Variants in PPP1R9A observed in about 807,000 individuals in gnomAD.
The protein encoded by PPP1R9A is protein phosphatase 1 regulatory subunit 9A, also known as neurabin-1.
Under a neutral mutation model 141.9 loss-of-function variants are expected in PPP1R9A, and 59 were observed. The observed-to-expected ratio is 0.42, with a 90% CI of 0.34 to 0.52. The LOEUF is 0.52. Among genes scored for constraint, PPP1R9A ranks in the 20% least tolerant of loss-of-function variants. PPP1R9A has a pLI of 0.10. For missense variants in PPP1R9A, 1,444 were observed against 1,611.9 expected (o/e 0.90, Z 1.78); for synonymous variants, 500 against 569.7 (o/e 0.88, Z 1.74).
chr7:95,187,569 CTCTAGTTCCT>C (rs1834832874), intron 5 of PPP1R9A, among the ~76,000 whole-genome samples: 1 of 151,940 alleles, frequency 6.6e-6, no homozygotes, highest in South Asian at 2.1e-4. Flanking sequence ...TTTGTTCTTT[CTCTAGTTCCT>C]TGAGTTGTGT....
intron 2 of PPP1R9A, among the ~76,000 whole-genome samples, chr7:94,975,098 G>A (rs1374063760): frequency 6.6e-6 from 1 of 151,542 alleles, no homozygotes; most frequent in African/African-American, 2.4e-5. Context: ...TCTTAATTTG[G>A]AAAAAAAATA....
intron 2 of PPP1R9A, among the ~76,000 whole-genome samples, chr7:94,924,685 T>C (rs1793247636): frequency 6.6e-6 from 1 of 152,092 alleles, no homozygotes; most frequent in Non-Finnish European, 1.5e-5. Context: ...CGCACCACCA[T>C]GCCTGGCTTA....
intron 8 of PPP1R9A, among the ~76,000 whole-genome samples, chr7:95,233,740 G>C (rs1464794136): frequency 1.3e-5 from 2 of 152,000 alleles, no homozygotes; most frequent in East Asian, 3.9e-4. Flanking sequence ...GAAAACTACA[G>C]ACCAACATCC....
chr7:95,076,014 C>T (rs1814797111), intron 2 of PPP1R9A, among the ~76,000 whole-genome samples: 1 of 152,102 alleles, frequency 6.6e-6, no homozygotes, highest in Admixed American at 6.6e-5. Context: ...GAGGAGAACA[C>T]CTTCACAAAT....
At chr7:95,137,474 G>A (rs1352162571) in intron 4 of PPP1R9A, among the ~76,000 whole-genome samples, 2 of 147,856 alleles carry the variant, frequency 1.4e-5, no homozygotes, top group African/African-American at 5.0e-5. Flanking sequence ...TTGCCTTAAA[G>A]CTTTTAGTTA....
chr7:95,246,828 C>T (rs1798183842), intron 8 of PPP1R9A, among the ~76,000 whole-genome samples: 1 of 152,130 alleles, frequency 6.6e-6, no homozygotes, highest in African/African-American at 2.4e-5. Flanking sequence ...AACTGTGACT[C>T]TTATTGCTAA....
chr7:95,199,403 C>T (rs1789026974), intron 6 of PPP1R9A, among the ~76,000 whole-genome samples: 1 of 152,106 alleles, frequency 6.6e-6, no homozygotes, highest in Non-Finnish European at 1.5e-5. Flanking sequence ...TATTCAACCC[C>T]TTCTTATCTG....
chr7:95,038,532 C>CT (rs1332192739), intron 2 of PPP1R9A, among the ~76,000 whole-genome samples: 4 of 151,996 alleles, frequency 2.6e-5, no homozygotes, highest in Non-Finnish European at 5.9e-5. Flanking sequence ...TACCCAGAGC[C>CT]TTTTTTTAAT....
At chr7:94,968,275 C>A (rs1798451098) in intron 2 of PPP1R9A, among the ~76,000 whole-genome samples, 1 of 151,656 alleles carries the variant, frequency 6.6e-6, no homozygotes, top group South Asian at 2.1e-4. Flanking sequence ...CGGGTTCACG[C>A]CATTCTCCTG....
At position 95,290,073 on chromosome 7, in the gene PPP1R9A, T is replaced by A; in HGVS notation, c.3913-18T>A. The A allele has an allele frequency of 6.2e-7, 1 of 1,611,238 alleles. No homozygotes were observed. The highest frequency in any genetic ancestry group is 8.5e-7 in the Non-Finnish European group (1 of 1,179,176). On this transcript the variant is annotated intron_variant, in intron 19 of 19. Coordinates refer to ENST00000433360, the MANE Select transcript of PPP1R9A (RefSeq NM_001166160.2). ...CATTGGTTTTCAAATTCAGTTTGTGTGTGTGTTTCTTTCTTAGGCTCTTGG... is the reference window on the plus strand; with the variant it reads ...CATTGGTTTTCAAATTCAGTTTGTGAGTGTGTTTCTTTCTTAGGCTCTTGG...
intron 2 of PPP1R9A, among the ~76,000 whole-genome samples, chr7:95,059,652 T>C (rs1004472415): frequency 6.6e-6 from 1 of 152,216 alleles, no homozygotes; most frequent in Non-Finnish European, 1.5e-5. Context: ...ATAAGCAGTT[T>C]GTATGAGGTT....
intron 2 of PPP1R9A, among the ~76,000 whole-genome samples, chr7:94,967,338 T>C (rs1469044849): frequency 2.0e-5 from 3 of 152,156 alleles, no homozygotes; most frequent in African/African-American, 7.2e-5. Context: ...TGATCTTAGG[T>C]ATTTCTTGTC....
chr7:95,265,652 G>A (rs1170042444), intron 12 of PPP1R9A, among the ~76,000 whole-genome samples: 1 of 152,108 alleles, frequency 6.6e-6, no homozygotes, highest in Non-Finnish European at 1.5e-5. Context: ...TCCTTCTGGT[G>A]TAAATGCTAT....
chr7:94,937,868 A>G (rs1794932186), intron 2 of PPP1R9A, among the ~76,000 whole-genome samples: 1 of 152,316 alleles, frequency 6.6e-6, no homozygotes, highest in South Asian at 2.1e-4. Context: ...AAGATAGGGC[A>G]CTGGAAAGGC....
chr7:94,928,127 T>G (rs907494833), intron 2 of PPP1R9A, among the ~76,000 whole-genome samples: 3 of 152,006 alleles, frequency 2.0e-5, no homozygotes, highest in African/African-American at 7.2e-5. Context: ...GATGCTTGAG[T>G]TGAAGCTTTA....
intron 2 of PPP1R9A, among the ~76,000 whole-genome samples, chr7:94,928,531 T>G (rs1335902648): frequency 6.6e-6 from 1 of 152,192 alleles, no homozygotes; most frequent in Non-Finnish European, 1.5e-5. Flanking sequence ...TTAACTGATG[T>G]CTTCCATTTG....
At chr7:94,939,392 A>G (rs1359622815) in intron 2 of PPP1R9A, among the ~76,000 whole-genome samples, 2 of 152,138 alleles carry the variant, frequency 1.3e-5, no homozygotes, top group African/African-American at 4.8e-5. Context: ...TTGCTGAATA[A>G]ATGAAACAGA....
chr7:95,103,444 T>G (rs1386254190), intron 2 of PPP1R9A, among the ~76,000 whole-genome samples: 1 of 147,856 alleles, frequency 6.8e-6, no homozygotes, highest in Non-Finnish European at 1.5e-5. Context: ...CTTGGCTCAC[T>G]GCAAGCTCCG....
chr7:95,108,563 G>A (rs1819992125), intron 2 of PPP1R9A, among the ~76,000 whole-genome samples: 1 of 151,604 alleles, frequency 6.6e-6, no homozygotes, highest in African/African-American at 2.4e-5. Context: ...GCCCACCTCG[G>A]CCTCCCAAAA....
Sources: gnomAD v4.1 joint callset for allele counts (sites outside exome capture counted in the v4.1 genomes callset) on GRCh38, gnomAD v4.1.1 for gene constraint, MANE v1.5 for transcripts, NCBI Gene and HGNC (gene_info 2026-07-23, HGNC 2026-07-21) for gene names.